FAR2: variants seen among roughly 807,000 people sequenced by gnomAD.
FAR2 encodes fatty acyl-CoA reductase 2, also known as epididymis secretory protein Li 81.
A neutral mutation model predicts 56.0 loss-of-function variants in FAR2; 19 were observed. The observed-to-expected ratio is 0.34, with a 90% CI of 0.24 to 0.50. The LOEUF (loss-of-function observed/expected upper bound fraction) is 0.50. Ranked by LOEUF, FAR2 falls within the 20% of genes least tolerant of loss-of-function variation. The pLI is 0.98. For missense variants in FAR2, 508 were observed against 642.2 expected (o/e 0.79, Z 2.26); for synonymous variants, 219 against 218.8 (o/e 1.00, Z -0.01).
At chr12:29,182,508 C>T (rs1186359613) in intron 1 of FAR2, among the ~76,000 whole-genome samples, 8 of 152,120 alleles carry the variant, frequency 5.3e-5, no homozygotes, top group East Asian at 1.9e-4. Context: ...AGACACAGAG[C>T]GCTGATTGGT....
In FAR2 at chr12:29,335,074, A is replaced by T. The variant is rs907188369; in HGVS notation, c.*1280A>T. On this transcript the variant is annotated 3_prime_UTR_variant, in exon 12 of 12. Coordinates refer to ENST00000536681, the MANE Select transcript of FAR2 (RefSeq NM_001271783.2). The stretch of plus-strand genomic sequence containing the variant: ...TATTCAAATATAGTACTTGGGGCCT[A>T]AACAACTAAAATTAGTCACCGCATA... 6.6e-6 allele frequency: 1 copy of T among 152,192 alleles called. No individual in the cohort carries two copies. The highest frequency in any genetic ancestry group is 1.9e-4 in the East Asian group (1 of 5,200). The allele number at this position is 152,192 out of a possible 1,614,324, so 9.4% of individuals were successfully genotyped here.
At chr12:29,201,105 T>C (rs537256386) in intron 1 of FAR2, among the ~76,000 whole-genome samples, 1 of 152,284 alleles carries the variant, frequency 6.6e-6, no homozygotes, top group South Asian at 2.1e-4. Flanking sequence ...GGATGCCCTA[T>C]ACATCATCTT....
intron 4 of FAR2, among the ~76,000 whole-genome samples, chr12:29,299,222 A>G (rs886673079): frequency 6.0e-5 from 9 of 151,222 alleles, no homozygotes; most frequent in East Asian, 3.9e-4. Flanking sequence ...TCAAAAAAAA[A>G]AAAAAAAAAA....
intron 1 of FAR2, among the ~76,000 whole-genome samples, chr12:29,163,508 C>G (rs1949799574): frequency 6.6e-6 from 1 of 152,220 alleles, no homozygotes; most frequent in South Asian, 2.1e-4. Flanking sequence ...CCTGATTGTG[C>G]TCTATGTCTA....
intron 1 of FAR2, among the ~76,000 whole-genome samples, chr12:29,231,701 C>T (rs11050140): frequency 0.17 from 25,926 of 152,116 alleles, 2,896 homozygotes; most frequent in African/African-American, 0.31. Flanking sequence ...GCCTTCTATA[C>T]GAAGAGGAAC....
At chr12:29,155,861 A>C (rs976006975) in intron 1 of FAR2, among the ~76,000 whole-genome samples, 1 of 152,202 alleles carries the variant, frequency 6.6e-6, no homozygotes, top group African/African-American at 2.4e-5. Context: ...CTCACCTGCC[A>C]TAGGTAATCT....
intron 1 of FAR2, among the ~76,000 whole-genome samples, chr12:29,207,591 C>T (rs1219053720): frequency 6.6e-6 from 1 of 152,116 alleles, no homozygotes; most frequent in East Asian, 1.9e-4. Context: ...TCTCGTTTCT[C>T]TGATTTTTTT....
At chr12:29,177,493 C>A (rs947976821) in intron 1 of FAR2, among the ~76,000 whole-genome samples, 1 of 152,148 alleles carries the variant, frequency 6.6e-6, no homozygotes, top group Non-Finnish European at 1.5e-5. Context: ...GAAATTTCAA[C>A]TAAAAATTGG....
intron 1 of FAR2, among the ~76,000 whole-genome samples, chr12:29,161,102 A>C (rs149805919): frequency 3.3e-5 from 5 of 152,346 alleles, no homozygotes; most frequent in African/African-American, 1.2e-4. Context: ...CTTCACCAAG[A>C]GTTTCTTCTC....
chr12:29,157,104 TTTTATA>T (rs1949734025), intron 1 of FAR2: 1 of 53,694 alleles, frequency 1.9e-5, no homozygotes, highest in South Asian at 7.6e-4. Context: ...GCAAAGAACA[TTTTATA>T]TATATATATA....
chr12:29,166,889 C>T (rs540418314), intron 1 of FAR2, among the ~76,000 whole-genome samples: 54 of 152,276 alleles, frequency 3.5e-4, no homozygotes, highest in South Asian at 3.1e-3. Context: ...CCCCACGATC[C>T]CTGCCCCTGA....
intron 1 of FAR2, chr12:29,156,300 A>G (rs760840059): frequency 2.0e-5 from 3 of 152,260 alleles, no homozygotes; most frequent in Admixed American, 6.5e-5. Context: ...GTATGAAATT[A>G]TAACTTGTAA....
intron 1 of FAR2, among the ~76,000 whole-genome samples, chr12:29,252,472 A>G (rs1948230515): frequency 6.6e-6 from 1 of 152,262 alleles, no homozygotes; most frequent in African/African-American, 2.4e-5. Context: ...TGTCATAATC[A>G]TGAATATTTC....
intron 1 of FAR2, among the ~76,000 whole-genome samples, chr12:29,172,492 C>T (rs1441318658): frequency 2.0e-5 from 3 of 152,164 alleles, no homozygotes; most frequent in Admixed American, 2.0e-4. Context: ...GTTTGTTTGT[C>T]TGAGGGCCAT....
chr12:29,207,842 C>T (rs964173648), intron 1 of FAR2, among the ~76,000 whole-genome samples: 1 of 152,180 alleles, frequency 6.6e-6, no homozygotes, highest in African/African-American at 2.4e-5. Flanking sequence ...AAATTTCACA[C>T]TACTGTCCTA....
At chr12:29,219,667 T>C (rs1306607495) in intron 1 of FAR2, among the ~76,000 whole-genome samples, 2 of 152,254 alleles carry the variant, frequency 1.3e-5, no homozygotes, top group South Asian at 2.1e-4. Context: ...TTTAGATATA[T>C]TTAAATGCTT....
At chr12:29,194,586 T>C (rs566181303) in intron 1 of FAR2, among the ~76,000 whole-genome samples, 2 of 150,954 alleles carry the variant, frequency 1.3e-5, no homozygotes, top group South Asian at 2.1e-4. Context: ...AGAGGTTTAT[T>C]ACTCCCATAA....
intron 10 of FAR2, among the ~76,000 whole-genome samples, chr12:29,323,789 G>C (rs1384609584): frequency 6.6e-6 from 1 of 152,140 alleles, no homozygotes; most frequent in Non-Finnish European, 1.5e-5. Flanking sequence ...AAACCACAAA[G>C]ATGGGGAAAA....
At chr12:29,288,061 G>A (rs1300263180) in intron 2 of FAR2, among the ~76,000 whole-genome samples, 1 of 151,886 alleles carries the variant, frequency 6.6e-6, no homozygotes, top group Non-Finnish European at 1.5e-5. Context: ...GTTGCCTCTG[G>A]GCTACAAGTA....
Sources: gnomAD v4.1 joint callset for allele counts (sites outside exome capture counted in the v4.1 genomes callset) on GRCh38, gnomAD v4.1.1 for gene constraint, MANE v1.5 for transcripts, NCBI Gene and HGNC (gene_info 2026-07-23, HGNC 2026-07-21) for gene names.